Variants in DKK2 observed in about 807,000 individuals in gnomAD.
DKK2 encodes the protein dickkopf-related protein 2.
DKK2 carries 11 observed loss-of-function variants against 28.1 expected under a neutral mutation model. The ratio of observed to expected loss-of-function variants is 0.39; its 90% CI spans 0.25 to 0.65. The LOEUF is 0.65. Among genes scored for constraint, DKK2 ranks in the 30% least tolerant of loss-of-function variants. The pLI is 0.47. For missense variants in DKK2, 326 were observed against 335.5 expected (o/e 0.97, Z 0.22); for synonymous variants, 135 against 126.5 (o/e 1.07, Z -0.45).
intron 1 of DKK2, among the ~76,000 whole-genome samples, chr4:107,007,279 T>C (rs1003471689): frequency 1.3e-5 from 2 of 152,130 alleles, no homozygotes; most frequent in African/African-American, 2.4e-5. Context: ...ATGAAGGCTC[T>C]CTTCTCTCTT....
chr4:106,967,464 C>T (rs533870518), intron 1 of DKK2, among the ~76,000 whole-genome samples: 58 of 152,120 alleles, frequency 3.8e-4, no homozygotes, highest in Admixed American at 2.0e-3. Flanking sequence ...CTGGAGAAAG[C>T]CTGGGGAAAA....
Position 106,965,035 on chromosome 4 carries a change from G to C in DKK2, c.223-39086C>G, listed in dbSNP as rs557191451. Reference sequence around the variant, plus strand: ...TTGATTCTGATTCTCTGGAAACTTTGCCTGATATAGTTCAGTGTTCATTAT... The same window carrying C: ...TTGATTCTGATTCTCTGGAAACTTTCCCTGATATAGTTCAGTGTTCATTAT... On this transcript the variant is annotated intron_variant, in intron 1 of 3. Coordinates refer to ENST00000285311, the MANE Select transcript of DKK2 (RefSeq NM_014421.3). Among the ~76,000 whole-genome samples, 6 of 152,142 alleles carry C rather than the reference G, an allele frequency of 3.9e-5. No homozygotes were observed. The South Asian group carries it at 1.2e-3, about 32-fold the overall frequency.
chr4:107,010,826 A>T (rs186372269), intron 1 of DKK2, among the ~76,000 whole-genome samples: 95 of 151,458 alleles, frequency 6.3e-4, no homozygotes, highest in African/African-American at 2.2e-3. Flanking sequence ...ATCAATAGTT[A>T]CCATATTAGA....
intron 1 of DKK2, among the ~76,000 whole-genome samples, chr4:106,969,700 G>A (rs1722836770): frequency 6.6e-6 from 1 of 151,908 alleles, no homozygotes; most frequent in Admixed American, 6.6e-5. Context: ...TTTCTAAACT[G>A]AAGAGAGCAG....
At chr4:107,001,666 G>A (rs951042888) in intron 1 of DKK2, among the ~76,000 whole-genome samples, 3 of 152,062 alleles carry the variant, frequency 2.0e-5, no homozygotes, top group African/African-American at 7.2e-5. Context: ...TTATTCACAG[G>A]TTTTAAAGTC....
chr4:107,015,918 TGATA>T (rs1210855669), intron 1 of DKK2, among the ~76,000 whole-genome samples: 3 of 151,802 alleles, frequency 2.0e-5, no homozygotes, highest in African/African-American at 7.2e-5. Context: ...TGTACCACTC[TGATA>T]GATAAAGAAT....
intron 1 of DKK2, among the ~76,000 whole-genome samples, chr4:106,966,687 T>TA: frequency 6.6e-6 from 1 of 152,154 alleles, no homozygotes; most frequent in East Asian, 1.9e-4. Context: ...GGTTTCTGGT[T>TA]AATAATAAAG....
intron 1 of DKK2, 131 bp from the exon 2 acceptor site, chr4:106,926,080 A>G: frequency 1.0e-6 from 1 of 996,424 alleles, no homozygotes; most frequent in South Asian, 2.1e-5. Flanking sequence ...TACCATCATC[A>G]TAATGTTCTG....
At chr4:107,028,616 A>C (rs890402047) in intron 1 of DKK2, among the ~76,000 whole-genome samples, 8 of 152,212 alleles carry the variant, frequency 5.3e-5, no homozygotes, top group African/African-American at 1.4e-4. Flanking sequence ...CATTAAACTA[A>C]TCAGTGGTGA....
In DKK2 at chr4:107,035,778, A is replaced by T; in HGVS notation, c.-187T>A. The T allele has an allele frequency of 1.6e-6, 1 of 613,234 alleles. No individual in the cohort carries two copies. Among genetic ancestry groups the T allele is most frequent in the Non-Finnish European group, 2.9e-6 (1 of 349,746 alleles). The allele number at this position is 613,234 out of a possible 1,614,324, so 38.0% of individuals were successfully genotyped here. On this transcript the variant is annotated 5_prime_UTR_variant, in exon 1 of 4. Transcript: ENST00000285311. Reference sequence around the variant, plus strand: ...AGTCTCACGCCTCAGGACAGAAATTAGCGGAACCCAAGCGAGACCCGCTTC... The same window carrying T: ...AGTCTCACGCCTCAGGACAGAAATTTGCGGAACCCAAGCGAGACCCGCTTC...
intron 1 of DKK2, among the ~76,000 whole-genome samples, chr4:107,008,920 C>G (rs950350662): frequency 1.3e-5 from 2 of 151,822 alleles, no homozygotes; most frequent in African/African-American, 4.8e-5. Flanking sequence ...GAAACGTAAT[C>G]AAAACTAGAT....
intron 1 of DKK2, among the ~76,000 whole-genome samples, chr4:106,958,160 G>T (rs1302039394): frequency 1.3e-5 from 2 of 150,486 alleles, no homozygotes; most frequent in Non-Finnish European, 3.0e-5. Flanking sequence ...ATATTACAGG[G>T]TCTTGGAATG....
At chr4:106,990,526 T>C (rs1001507158) in intron 1 of DKK2, among the ~76,000 whole-genome samples, 2 of 152,222 alleles carry the variant, frequency 1.3e-5, no homozygotes, top group Admixed American at 6.5e-5. Flanking sequence ...TCTAGCTCCA[T>C]GCTGGTAACT....
At chr4:106,931,327 T>C (rs753656309) in intron 1 of DKK2, among the ~76,000 whole-genome samples, 1 of 152,150 alleles carries the variant, frequency 6.6e-6, no homozygotes, top group Admixed American at 6.6e-5. Context: ...TCAATCAATA[T>C]TTATTTAGTA....
At chr4:106,995,818 A>G (rs1024360346) in intron 1 of DKK2, among the ~76,000 whole-genome samples, 3 of 152,078 alleles carry the variant, frequency 2.0e-5, no homozygotes, top group Admixed American at 6.6e-5. Context: ...TCACCGTGTT[A>G]GCCAGGATGG....
intron 1 of DKK2, among the ~76,000 whole-genome samples, chr4:107,024,644 G>A (rs759324328): frequency 6.6e-6 from 1 of 151,932 alleles, no homozygotes; most frequent in Non-Finnish European, 1.5e-5. Flanking sequence ...TTTCTTTTTC[G>A]TAAAATAACC....
intron 1 of DKK2, among the ~76,000 whole-genome samples, chr4:106,986,515 C>G (rs1012639726): frequency 6.6e-6 from 1 of 152,188 alleles, no homozygotes; most frequent in Non-Finnish European, 1.5e-5. Context: ...TATATAATCT[C>G]TTAATGTTCT....
chr4:107,022,600 T>C (rs1158564139), intron 1 of DKK2, among the ~76,000 whole-genome samples: 3 of 152,118 alleles, frequency 2.0e-5, no homozygotes, highest in African/African-American at 7.2e-5. Flanking sequence ...GAGTTTAGAC[T>C]TCATGTTCTA....
chr4:106,928,095 G>T (rs751891881), intron 1 of DKK2, among the ~76,000 whole-genome samples: 1 of 151,960 alleles, frequency 6.6e-6, no homozygotes, highest in Non-Finnish European at 1.5e-5. Context: ...TGTGAATGGC[G>T]CATCACCATC....
Sources: gnomAD v4.1 joint callset for allele counts (sites outside exome capture counted in the v4.1 genomes callset) on GRCh38, gnomAD v4.1.1 for gene constraint, MANE v1.5 for transcripts, NCBI Gene and HGNC (gene_info 2026-07-23, HGNC 2026-07-21) for gene names.